The following HERPUD1 variants were observed in gnomAD, a reference collection of about 807,000 sequenced individuals.
The protein encoded by HERPUD1 is homocysteine inducible ER protein with ubiquitin like domain 1.
A neutral mutation model predicts 45.0 loss-of-function variants in HERPUD1; 17 were observed. The ratio of observed to expected loss-of-function variants is 0.38; its 90% CI spans 0.26 to 0.57. The LOEUF is 0.57. HERPUD1 is among the 20% of genes least tolerant of loss of function. HERPUD1 has a pLI of 0.72. For synonymous variants in HERPUD1, 164 were observed against 177.5 expected, an observed-to-expected ratio of 0.92 and a Z score of 0.61; for missense variants, 420 against 490.5, an observed-to-expected ratio of 0.86 and a Z score of 1.36.
In HERPUD1 at chr16:56,944,251, A is replaced by G. The variant is rs2055934253; in HGVS notation, c.*961A>G. The G allele has an allele frequency of 6.6e-6, 1 of 152,072 alleles. No homozygotes were observed. The highest frequency in any genetic ancestry group is 1.5e-5 in the Non-Finnish European group (1 of 68,024). 9.4% of individuals were successfully genotyped at this position (152,072 alleles called of 1,614,324 possible). ...TAAGAATATACCTGTGTTTCCCCCC[A>G]TTTCCTGATTTAAACAGTACTGGCT... On this transcript the variant is annotated 3_prime_UTR_variant, in exon 8 of 8. Transcript: ENST00000439977.
chr16:56,939,815 A>G, intron 5 of HERPUD1, 80 bp from the exon 6 acceptor site: 2 of 1,093,750 alleles, frequency 1.8e-6, no homozygotes. Context: ...CTTAACAGTA[A>G]AAGACTGCTG....
At chr16:56,942,681 C>T (rs1279820994) in intron 7 of HERPUD1, among the ~76,000 whole-genome samples, 1 of 152,008 alleles carries the variant, frequency 6.6e-6, no homozygotes, top group Non-Finnish European at 1.5e-5. Context: ...ATGGTGACAC[C>T]CCGTCTCTAC....
rs2055870349 is a variant in HERPUD1 at position 56,936,828 on chromosome 16, T to C, written c.431+11T>C. ...GGAAAACATCTCAAGGTGAGTGTTA[T>C]AATAAAGATCTTGGCTTATGCAACA... On this transcript the variant is annotated intron_variant, in intron 4 of 7. Transcript: ENST00000439977. 3.1e-6 allele frequency: 5 copies of C among 1,613,158 alleles called. No homozygotes were observed. Among genetic ancestry groups the C allele is most frequent in the Non-Finnish European group, 4.2e-6 (5 of 1,179,364 alleles).
In HERPUD1 at chr16:56,940,020, A is replaced by G; in HGVS notation, c.680A>G (p.Asn227Ser). Reference protein sequence around the residue: ...NQFPAENQPANQNAAPQVVVN... With the variant: ...NQFPAENQPASQNAAPQVVVN... ...TTTCCAGCTGAAAACCAGCCTGCCA[A>G]TCAGAATGCTGCTCCTCAAGTGGTT... is the stretch of plus-strand genomic sequence containing the variant. The change falls in exon 6 of 8, where the codon AAT becomes AGT. Residue 227 changes from asparagine (N) to serine (S), a missense_variant. Physicochemically the swap from Asn to Ser is conservative, Grantham distance 46. Transcript: ENST00000439977. 3 of 1,614,192 alleles carry G rather than the reference A, an allele frequency of 1.9e-6. No individual in the cohort carries two copies. The highest frequency in any genetic ancestry group is 2.5e-6 in the Non-Finnish European group (3 of 1,180,034).
At chr16:56,932,964 G>A (rs939383428) in intron 1 of HERPUD1, among the ~76,000 whole-genome samples, 1 of 152,216 alleles carries the variant, frequency 6.6e-6, no homozygotes, top group African/African-American at 2.4e-5. Flanking sequence ...GACCAAGAGC[G>A]ACTGAGAAGG....
At chr16:56,936,298 T>A (rs72786781) in intron 3 of HERPUD1, 2,881 of 154,376 alleles carry the variant, frequency 0.019, 40 homozygotes, top group Non-Finnish European at 0.03. Context: ...AACAGTATCA[T>A]ACCAAGGCTT....
In HERPUD1 at chr16:56,939,176, A is replaced by C. The variant is rs1208492093; in HGVS notation, c.432-61A>C. On this transcript the variant is annotated intron_variant, in intron 4 of 7. Transcript: ENST00000439977. ...GAATTCTTGATTTTAATTTAAACTTAGTTTTCATTTGTTCATACTCAACCC... is the reference window on the plus strand; with the variant it reads ...GAATTCTTGATTTTAATTTAAACTTCGTTTTCATTTGTTCATACTCAACCC... 6 of 1,537,468 alleles carry C rather than the reference A, an allele frequency of 3.9e-6. No individual in the cohort carries two copies. In the East Asian group the frequency reaches 1.4e-4, roughly 35 times the overall value.
intron 7 of HERPUD1, among the ~76,000 whole-genome samples, chr16:56,942,924 C>G (rs571468949): frequency 2.6e-5 from 4 of 152,156 alleles, no homozygotes; most frequent in Non-Finnish European, 5.9e-5. Flanking sequence ...ATGACAACAT[C>G]AACACAGTTG....
At position 56,943,396 on chromosome 16, in the gene HERPUD1, AAC is replaced by A. The variant is rs1322909034; in HGVS notation, c.*108_*109del. ...ACATGGCAATGATGAGTTTTTAAAA[AAC>A]AGTGTGGATGATGATATGCTTTTGT... On this transcript the variant is annotated 3_prime_UTR_variant, in exon 8 of 8. Transcript: ENST00000439977. 1 of 1,266,422 alleles carries A rather than the reference AAC, an allele frequency of 7.9e-7. No individual in the cohort carries two copies. The highest frequency in any genetic ancestry group is 1.7e-5 in the Admixed American group (1 of 59,490). The allele number at this position is 1,266,422 out of a possible 1,614,324, so 78.4% of individuals were successfully genotyped here. A position where few individuals can be genotyped will look rare whatever the true frequency, so the allele number is the denominator to read the frequency against.
In HERPUD1 at chr16:56,943,509, A is replaced by G. The variant is rs1403496426; in HGVS notation, c.*219A>G. Reference sequence around the variant, plus strand: ...GGCTTCTCATGTCTTTATTCTGAAGAGCTTTAATATATACTCTATGTAGTT... The same window carrying G: ...GGCTTCTCATGTCTTTATTCTGAAGGGCTTTAATATATACTCTATGTAGTT... On this transcript the variant is annotated 3_prime_UTR_variant, in exon 8 of 8. Coordinates refer to ENST00000439977, the MANE Select transcript of HERPUD1 (RefSeq NM_014685.4). 1 of 615,012 alleles carries G rather than the reference A, an allele frequency of 1.6e-6. No individual in the cohort carries two copies. Among genetic ancestry groups the G allele is most frequent in the Non-Finnish European group, 2.9e-6 (1 of 340,906 alleles). The allele number at this position is 615,012 out of a possible 1,614,324, so 38.1% of individuals were successfully genotyped here.
rs547245958 is a variant in HERPUD1, at chr16:56,940,344, C to T, written c.905+99C>T. 3.6e-5 allele frequency: 30 copies of T among 829,020 alleles called. No homozygotes were observed. The South Asian group carries it at 3.7e-4, about 10-fold the overall frequency. 51.4% of individuals were successfully genotyped at this position (829,020 alleles called of 1,614,324 possible). On this transcript the variant is annotated intron_variant, in intron 6 of 7. Transcript: ENST00000439977. The stretch of plus-strand genomic sequence containing the variant: ...TCTTGTTTTTTTTGAGATGGAGTCT[C>T]GCTCTGTCATTCAGGCTGGAGTACA...
chr16:56,933,363 A>G (rs746716159), intron 1 of HERPUD1: 93 of 455,982 alleles, frequency 2.0e-4, no homozygotes, highest in South Asian at 1.3e-3. Context: ...ATATTTATTT[A>G]GTAAGCTTGC....
intron 6 of HERPUD1, 31 bp from the exon 7 acceptor site, chr16:56,942,101 T>A (rs1225391498): frequency 6.4e-7 from 1 of 1,560,854 alleles, no homozygotes; most frequent in Non-Finnish European, 8.8e-7. Context: ...TGACATCAGC[T>A]AAGATGGACT....
At chr16:56,936,351 G>GCAA in intron 3 of HERPUD1, 1 of 163,652 alleles carries the variant, frequency 6.1e-6, no homozygotes, top group Non-Finnish European at 1.3e-5. Context: ...GGGCTGGGTT[G>GCAA]TATTTATAAA....
chr16:56,939,345 G>A lies in HERPUD1; in HGVS notation c.540G>A (p.Gln180=). ...LSWFQQIYAR[Q]YYMQYLAATA... is the part of the protein sequence containing the mutation. Reference sequence around the variant, plus strand: ...GGTTCCAGCAGATATATGCACGACAGTACTACATGCAATAGTGAGTCCTTC... The same window carrying A: ...GGTTCCAGCAGATATATGCACGACAATACTACATGCAATAGTGAGTCCTTC... The change falls in exon 5 of 8, where the codon CAG becomes CAA. Residue 180 remains glutamine, a synonymous_variant. Coordinates refer to ENST00000439977, the MANE Select transcript of HERPUD1 (RefSeq NM_014685.4). 6.2e-7 allele frequency: 1 copy of A among 1,614,066 alleles called. No homozygotes were observed. The highest frequency in any genetic ancestry group is 2.2e-5 in the East Asian group (1 of 44,900).
At chr16:56,933,181 T>C in intron 1 of HERPUD1, 2 of 445,080 alleles carry the variant, frequency 4.5e-6, no homozygotes, top group Admixed American at 2.5e-5. Context: ...GCAGTGTTCT[T>C]CACTGCCCAC....
chr16:56,935,333 C>T (rs760125054), intron 2 of HERPUD1, 21 bp downstream of exon 2: 1 of 1,610,546 alleles, frequency 6.2e-7, no homozygotes, highest in Admixed American at 1.7e-5. Flanking sequence ...TACACATTAA[C>T]TTCTGAATGT....
In HERPUD1 at chr16:56,943,251, C is replaced by T; in HGVS notation, c.1137C>T (p.Ala379=). The T allele has an allele frequency of 6.2e-7, 1 of 1,614,176 alleles. No individual in the cohort carries two copies. The highest frequency in any genetic ancestry group is 8.5e-7 in the Non-Finnish European group (1 of 1,180,042). Residue 379 remains alanine (A), a synonymous_variant, in exon 8 of 8, where the codon GCC becomes GCT. Coordinates refer to ENST00000439977, the MANE Select transcript of HERPUD1 (RefSeq NM_014685.4). The part of the protein sequence containing the change: ...TAWLVFKTFF[A]SLLPEGPPAI... ...GGCTTGTCTTCAAGACTTTCTTTGC[C>T]TCTCTTCTTCCAGAAGGCCCCCCAG...
At chr16:56,943,031 GA>G in intron 7 of HERPUD1, 94 bp from the exon 8 acceptor site, 1 of 1,319,534 alleles carries the variant, frequency 7.6e-7, no homozygotes, top group Admixed American at 1.8e-5. Flanking sequence ...AGGGGGCAGG[GA>G]TTTACCCTGC....
Sources: allele counts gnomAD v4.1 joint callset (sites outside exome capture counted in the v4.1 genomes callset), GRCh38; gene constraint gnomAD v4.1.1; transcripts MANE v1.5; gene names NCBI Gene and HGNC (gene_info 2026-07-23, HGNC 2026-07-21).